Variants in CHN1 observed in about 807,000 individuals in gnomAD.
CHN1 encodes chimerin 1.
CHN1 carries 37 observed loss-of-function variants against 59.5 expected under a neutral mutation model. The ratio of observed to expected loss-of-function variants is 0.62; its 90% confidence interval spans 0.48 to 0.82. The LOEUF (loss-of-function observed/expected upper bound fraction) is 0.82, where lower values mean the gene tolerates loss of function less well. CHN1 is among the 40% of genes least tolerant of loss of function. The pLI, the probability that CHN1 is intolerant of heterozygous loss-of-function variation, is 0.00. For missense variants in CHN1, 469 were observed against 571.0 expected (o/e 0.82, Z 1.82); for synonymous variants, 206 against 200.4 (o/e 1.03, Z -0.24).
At chr2:174,867,657 A>C (rs1687266834) in intron 6 of CHN1, among the ~76,000 whole-genome samples, 1 of 152,188 alleles carries the variant, frequency 6.6e-6, no homozygotes, top group Non-Finnish European at 1.5e-5. Flanking sequence ...TGAATAAAAA[A>C]ATTAAAGGAC....
At chr2:174,918,216 G>A (rs534959641) in intron 4 of CHN1, among the ~76,000 whole-genome samples, 16 of 151,982 alleles carry the variant, frequency 1.1e-4, no homozygotes, top group African/African-American at 3.6e-4. Context: ...GTGTATATAC[G>A]TATCTATATA....
rs1691571420 is a variant in CHN1, at chr2:174,992,385, G to A, written c.19+12509C>T. 2.6e-5 allele frequency among the ~76,000 whole-genome samples: 4 copies of A among 152,246 alleles called. No individual in the cohort carries two copies. The South Asian group carries it at 6.2e-4, about 24-fold the overall frequency. ...ACATGCTTCCAAAAGAGAAAAGAAGGTCAGTTCTTGAAAAGCACTGACATA... is the reference window on the plus strand; with the variant it reads ...ACATGCTTCCAAAAGAGAAAAGAAGATCAGTTCTTGAAAAGCACTGACATA... On this transcript the variant is annotated intron_variant, in intron 1 of 12. Transcript: ENST00000409900.
chr2:174,883,850 T>C (rs1687811491), intron 5 of CHN1, among the ~76,000 whole-genome samples: 1 of 147,068 alleles, frequency 6.8e-6, no homozygotes, highest in African/African-American at 2.5e-5. Flanking sequence ...GAATATAGCA[T>C]AAATGAAAGT....
At chr2:174,979,997 G>A (rs1160199467) in intron 1 of CHN1, among the ~76,000 whole-genome samples, 1 of 152,148 alleles carries the variant, frequency 6.6e-6, no homozygotes, top group Non-Finnish European at 1.5e-5. Flanking sequence ...TGTACCATCT[G>A]ACTCTCACTT....
In CHN1 at chr2:174,824,532, A is replaced by G. The variant is rs772748102; in HGVS notation, c.628-14T>C. On this transcript the variant is annotated splice_polypyrimidine_tract_variant and intron_variant, in intron 7 of 12. Transcript: ENST00000409900. ...GAATGTATGCACCTGAAAAAAAAAA[A>G]GAGGGGCAAAGTCAGGAAAGGGGAA... is the stretch of plus-strand genomic sequence containing the variant. The G allele has an allele frequency of 6.8e-5, 106 of 1,555,552 alleles. No individual in the cohort carries two copies. Among genetic ancestry groups the G allele is most frequent in the Non-Finnish European group, 8.7e-5 (100 of 1,146,004 alleles).
intron 1 of CHN1, among the ~76,000 whole-genome samples, chr2:174,957,642 CA>C (rs1173117551): frequency 2.0e-5 from 3 of 152,080 alleles, no homozygotes; most frequent in Non-Finnish European, 4.4e-5. Flanking sequence ...TATAACAGGA[CA>C]CCCATATTCT....
chr2:174,899,905 T>C lies in CHN1; in HGVS notation c.260+15153A>G, dbSNP rs190044532. Among the ~76,000 whole-genome samples, 7 of 152,310 alleles carry C rather than the reference T, an allele frequency of 4.6e-5. No individual in the cohort carries two copies. The East Asian group carries it at 1.3e-3, about 29-fold the overall frequency. On this transcript the variant is annotated intron_variant, in intron 5 of 12. Transcript: ENST00000409900. ...TATTCTGTGAGGCATTAGTGTTATC[T>C]GTTTTCAAAAAAGTTAGGGAAATAA...
intron 5 of CHN1, among the ~76,000 whole-genome samples, chr2:174,904,429 C>G (rs767314386): frequency 1.3e-5 from 2 of 151,968 alleles, no homozygotes; most frequent in Non-Finnish European, 2.9e-5. Context: ...TCACTCATTG[C>G]CCAGGCTTGA....
intron 6 of CHN1, among the ~76,000 whole-genome samples, chr2:174,853,674 T>C (rs888377944): frequency 1.3e-5 from 2 of 152,056 alleles, no homozygotes; most frequent in African/African-American, 2.4e-5. Flanking sequence ...CTATTCACAA[T>C]AGAAAAGAGA....
chr2:174,839,989 C>G (rs1002083218), intron 7 of CHN1, among the ~76,000 whole-genome samples: 1 of 151,912 alleles, frequency 6.6e-6, no homozygotes, highest in Non-Finnish European at 1.5e-5. Context: ...TTTAAACTAC[C>G]CTCTGTCGAA....
intron 5 of CHN1, among the ~76,000 whole-genome samples, chr2:174,880,539 A>G (rs1301222479): frequency 6.6e-6 from 1 of 152,170 alleles, no homozygotes; most frequent in Non-Finnish European, 1.5e-5. Context: ...GAAGAGCCAT[A>G]AAGGGGGAGA....
At chr2:174,873,244 A>ATT (rs1326689515) in intron 6 of CHN1, among the ~76,000 whole-genome samples, 5 of 152,322 alleles carry the variant, frequency 3.3e-5, no homozygotes, top group Admixed American at 3.3e-4. Flanking sequence ...AGACTTAGGC[A>ATT]TGTAAACTTG....
intron 5 of CHN1, among the ~76,000 whole-genome samples, chr2:174,883,859 GTTTT>G (rs556745300): frequency 1.3e-5 from 2 of 148,524 alleles, no homozygotes; most frequent in African/African-American, 5.0e-5. Context: ...ATAAATGAAA[GTTTT>G]TTTAAAAAAG....
At chr2:174,929,568 ACT>A (rs538793783) in intron 3 of CHN1, among the ~76,000 whole-genome samples, 232 of 149,588 alleles carry the variant, frequency 1.6e-3, no homozygotes, top group African/African-American at 5.4e-3. Flanking sequence ...ACAGAGTGAG[ACT>A]CTATTTCAAA....
intron 1 of CHN1, among the ~76,000 whole-genome samples, chr2:174,993,753 T>C (rs941760650): frequency 2.0e-5 from 3 of 152,202 alleles, no homozygotes; most frequent in African/African-American, 7.2e-5. Context: ...CCCATGATTA[T>C]TGTTTCAATC....
At chr2:174,814,212 T>C (rs1003316219) in intron 8 of CHN1, among the ~76,000 whole-genome samples, 1 of 152,128 alleles carries the variant, frequency 6.6e-6, no homozygotes, top group East Asian at 1.9e-4. Flanking sequence ...GGATCACCAG[T>C]GCTAATAGTG....
At chr2:174,966,854 G>C (rs114188812) in intron 1 of CHN1, among the ~76,000 whole-genome samples, 132 of 152,250 alleles carry the variant, frequency 8.7e-4, no homozygotes, top group African/African-American at 3.2e-3. Flanking sequence ...ACTTCAAGAT[G>C]ATGTTTAATT....
intron 7 of CHN1, among the ~76,000 whole-genome samples, chr2:174,832,764 C>G (rs1165513382): frequency 6.6e-6 from 1 of 152,040 alleles, no homozygotes. Context: ...ATTAGGTGAA[C>G]ATTATAGAGT....
chr2:174,977,487 C>T (rs1310747945), intron 1 of CHN1, among the ~76,000 whole-genome samples: 1 of 152,134 alleles, frequency 6.6e-6, no homozygotes, highest in Admixed American at 6.5e-5. Context: ...GAAAATTTAA[C>T]AGACAACAAA....
Sources: allele counts gnomAD v4.1 joint callset (sites outside exome capture counted in the v4.1 genomes callset), GRCh38; gene constraint gnomAD v4.1.1; transcripts MANE v1.5; gene names NCBI Gene and HGNC (gene_info 2026-07-23, HGNC 2026-07-21).